COX16: variants seen among roughly 807,000 people sequenced by gnomAD.
The protein encoded by COX16 is cytochrome c oxidase assembly protein COX16 homolog, mitochondrial.
In COX16, 12 loss-of-function variants were observed where a neutral mutation model predicts 15.4. The observed-to-expected ratio is 0.78, with a 90% CI of 0.50 to 1.26. The LOEUF is 1.26. COX16 is among the 50% of genes most tolerant of loss of function. The probability of loss-of-function intolerance (pLI) is 0.00; values close to 1 mark genes in which losing one functional copy is unlikely to be tolerated. For synonymous variants in COX16, 46 were observed against 41.1 expected, an observed-to-expected ratio of 1.12 and a Z score of -0.46; for missense variants, 124 against 127.6, an observed-to-expected ratio of 0.97 and a Z score of 0.14.
At chr14:70,352,599 C>T (rs1173015324) in intron 1 of COX16, among the ~76,000 whole-genome samples, 1 of 147,076 alleles carries the variant, frequency 6.8e-6, no homozygotes, top group Non-Finnish European at 1.5e-5. Flanking sequence ...TTTATGTGCA[C>T]TACTCACTCA....
chr14:70,359,341 G>C, intron 1 of COX16, 178 bp downstream of exon 1: 2 of 675,140 alleles, frequency 3.0e-6, no homozygotes, highest in Non-Finnish European at 2.7e-6. Flanking sequence ...GCGGGGAAGT[G>C]GGGGTGTGGA....
At chr14:70,328,894 GC>G (rs1299180797) in intron 3 of COX16, among the ~76,000 whole-genome samples, 1 of 151,782 alleles carries the variant, frequency 6.6e-6, no homozygotes, top group Non-Finnish European at 1.5e-5. Context: ...ATTTAAATAG[GC>G]TTTTTTGACT....
In COX16 at chr14:70,331,995, A is replaced by G. The variant is rs149443868; in HGVS notation, c.142-2759T>C. The stretch of plus-strand genomic sequence containing the variant: ...GGAAGGTCGTTTTGAATGCATTCAC[A>G]CCTAGGTGGATGATCCACTGAGCTT... On this transcript the variant is annotated intron_variant, in intron 2 of 3. Transcript: ENST00000389912. 9.2e-5 allele frequency among the ~76,000 whole-genome samples: 14 copies of G among 152,284 alleles called. No homozygotes were observed. The East Asian group carries it at 2.5e-3, about 27-fold the overall frequency.
chr14:70,348,654 T>C (rs930286719), intron 1 of COX16, among the ~76,000 whole-genome samples: 13 of 152,134 alleles, frequency 8.5e-5, no homozygotes, highest in African/African-American at 3.1e-4. Context: ...ACTCAAGATC[T>C]CACTCTAGTA....
chr14:70,330,087 C>A (rs1886233469), intron 2 of COX16, among the ~76,000 whole-genome samples: 1 of 151,964 alleles, frequency 6.6e-6, no homozygotes, highest in African/African-American at 2.4e-5. Flanking sequence ...AGTCCTCAGA[C>A]TGAAAGAACA....
intron 1 of COX16, among the ~76,000 whole-genome samples, chr14:70,349,081 T>C (rs147952819): frequency 1.5e-3 from 232 of 152,242 alleles, no homozygotes; most frequent in African/African-American, 4.8e-3. Context: ...CTCAAAGCCT[T>C]CCTCATCTCC....
chr14:70,344,913 C>T (rs1886729821), intron 1 of COX16, among the ~76,000 whole-genome samples: 2 of 152,324 alleles, frequency 1.3e-5, no homozygotes, highest in South Asian at 4.1e-4. Flanking sequence ...TCACTTGGGG[C>T]TGATGCCATT....
chr14:70,343,147 T>C (rs969109767), intron 1 of COX16, among the ~76,000 whole-genome samples: 4 of 152,166 alleles, frequency 2.6e-5, no homozygotes, highest in African/African-American at 9.7e-5. Flanking sequence ...CAGGGATGTC[T>C]CTGTAATTCC....
At chr14:70,345,783 C>T (rs184734512) in intron 1 of COX16, among the ~76,000 whole-genome samples, 2 of 152,244 alleles carry the variant, frequency 1.3e-5, no homozygotes, top group African/African-American at 2.4e-5. Flanking sequence ...CCATTCTCAC[C>T]GCCCTGATCG....
rs748587558 is a variant in COX16 at position 70,354,829 on chromosome 14, A to AGT, written c.69+4688_69+4689dup. 3.5e-3 allele frequency among the ~76,000 whole-genome samples: 296 copies of AGT among 85,772 alleles called. 6 individuals carry two copies. In the East Asian group the frequency reaches 0.1, roughly 30 times the overall value. 56.3% of individuals were successfully genotyped at this position (85,772 alleles called of 152,430 possible). ...GAGTTTTGTGCAGGACTATGCATAG[A>AGT]GTGTGTGTGTGCGTGTGTGTGTGTG... On this transcript the variant is annotated intron_variant, in intron 1 of 3. Transcript: ENST00000389912.
chr14:70,345,253 C>G (rs766258126), intron 1 of COX16, among the ~76,000 whole-genome samples: 35 of 152,372 alleles, frequency 2.3e-4, no homozygotes, highest in Admixed American at 1.6e-3. Flanking sequence ...CTTAGTTTCT[C>G]TGGTCCGAAT....
At chr14:70,336,517 TAAA>T (rs1238715927) in intron 2 of COX16, among the ~76,000 whole-genome samples, 3 of 152,126 alleles carry the variant, frequency 2.0e-5, no homozygotes, top group Non-Finnish European at 4.4e-5. Context: ...CTTAGATAAA[TAAA>T]AATAAAATAA....
intron 2 of COX16, among the ~76,000 whole-genome samples, chr14:70,332,859 C>G (rs979181757): frequency 6.6e-6 from 1 of 152,244 alleles, no homozygotes; most frequent in African/African-American, 2.4e-5. Context: ...TTGTCTGGTA[C>G]GCTGAGACAG....
chr14:70,341,676 T>A (rs1248760756), intron 2 of COX16, among the ~76,000 whole-genome samples: 1 of 152,212 alleles, frequency 6.6e-6, no homozygotes, highest in East Asian at 1.9e-4. Flanking sequence ...CCCCTCAGTT[T>A]CCTCACCTGT....
chr14:70,335,706 C>T (rs1287724917), intron 2 of COX16, among the ~76,000 whole-genome samples: 1 of 151,870 alleles, frequency 6.6e-6, no homozygotes, highest in African/African-American at 2.4e-5. Flanking sequence ...TCTATGACTG[C>T]CTTTTGTACT....
At chr14:70,341,348 A>G (rs570170878) in intron 2 of COX16, among the ~76,000 whole-genome samples, 2 of 152,308 alleles carry the variant, frequency 1.3e-5, no homozygotes, top group East Asian at 3.9e-4. Context: ...TTTCTCTAAA[A>G]CCATAAAATT....
intron 2 of COX16, among the ~76,000 whole-genome samples, chr14:70,334,707 CAG>C (rs1886395625): frequency 6.6e-6 from 1 of 151,998 alleles, no homozygotes; most frequent in South Asian, 2.1e-4. Flanking sequence ...AAATCCGTAA[CAG>C]ATACACTAAA....
chr14:70,358,311 A>T (rs1306966608), intron 1 of COX16, among the ~76,000 whole-genome samples: 1 of 152,052 alleles, frequency 6.6e-6, no homozygotes, highest in Non-Finnish European at 1.5e-5. Flanking sequence ...CTCCATAACT[A>T]AGAATATACT....
intron 1 of COX16, among the ~76,000 whole-genome samples, chr14:70,348,195 T>G (rs543149388): frequency 6.0e-4 from 92 of 152,286 alleles, no homozygotes; most frequent in African/African-American, 2.1e-3. Flanking sequence ...GTCTTCATCC[T>G]TGAAAGCCTA....
Sources: allele counts gnomAD v4.1 joint callset (sites outside exome capture counted in the v4.1 genomes callset), GRCh38; gene constraint gnomAD v4.1.1; transcripts MANE v1.5; gene names NCBI Gene and HGNC (gene_info 2026-07-23, HGNC 2026-07-21).